CCR3: variants seen among roughly 807,000 people sequenced by gnomAD.
CCR3 encodes the protein C-C motif chemokine receptor 3.
For missense variants in CCR3, 419 were observed against 437.5 expected (o/e 0.96, Z 0.38); for synonymous variants, 203 against 179.2 (o/e 1.13, Z -1.06).
chr3:46,248,581 G>T (rs1187437201), intron 1 of CCR3, among the ~76,000 whole-genome samples: 2 of 152,134 alleles, frequency 1.3e-5, no homozygotes, highest in Non-Finnish European at 2.9e-5. Flanking sequence ...AGCAGGGAGA[G>T]CACGTGTGTT....
intron 2 of CCR3, among the ~76,000 whole-genome samples, chr3:46,219,087 T>G (rs1457940135): frequency 6.6e-6 from 1 of 152,128 alleles, no homozygotes; most frequent in Non-Finnish European, 1.5e-5. Flanking sequence ...CTCTAAAGAC[T>G]CATCCAAAAA....
intron 2 of CCR3, among the ~76,000 whole-genome samples, chr3:46,235,202 C>G (rs1700010729): frequency 6.6e-6 from 1 of 152,134 alleles, no homozygotes. Flanking sequence ...CCCACCTACC[C>G]CCATATCTTA....
At chr3:46,240,342 G>A (rs780887205), upstream of CCR3, among the ~76,000 whole-genome samples, 2 of 152,284 alleles carry the variant, frequency 1.3e-5, no homozygotes, top group Non-Finnish European at 2.9e-5. Flanking sequence ...CTGGCATTAG[G>A]ATGCAAGCAT....
chr3:46,241,162 G>A (rs1324036887), upstream of CCR3, among the ~76,000 whole-genome samples: 1 of 66,528 alleles, frequency 1.5e-5, no homozygotes, highest in Non-Finnish European at 2.8e-5. Flanking sequence ...GCACATGTGT[G>A]TGCGCTCTCT....
intron 1 of CCR3, among the ~76,000 whole-genome samples, chr3:46,250,289 G>A (rs1700279855): frequency 6.6e-6 from 1 of 152,264 alleles, no homozygotes; most frequent in East Asian, 1.9e-4. Flanking sequence ...AGATTACAGG[G>A]TGGAGGAGTG....
chr3:46,231,241 A>T (rs1259926062), intron 2 of CCR3, among the ~76,000 whole-genome samples: 1 of 152,194 alleles, frequency 6.6e-6, no homozygotes, highest in Non-Finnish European at 1.5e-5. Context: ...GACAAGTTTT[A>T]AAAGTGCCCA....
intron 1 of CCR3, among the ~76,000 whole-genome samples, chr3:46,251,989 T>A (rs982599099): frequency 6.6e-6 from 1 of 152,150 alleles, no homozygotes; most frequent in Non-Finnish European, 1.5e-5. Flanking sequence ...GATTCTTCAG[T>A]TACTTCAGGA....
rs1297605503 is a variant in CCR3, at chr3:46,250,402, G to T, written c.-12+7864G>T. 2.4e-4 allele frequency among the ~76,000 whole-genome samples: 36 copies of T among 152,064 alleles called. 1 individual carries two copies. The highest frequency in any genetic ancestry group is 2.4e-3 in the Admixed American group (36 of 15,272). On this transcript the variant is annotated intron_variant, in intron 1 of 1. Coordinates refer to ENST00000395940, the MANE Select transcript of CCR3 (RefSeq NM_178329.3). ...TTAGAAAGACTCAGCGATGCTTGGG[G>T]TTGGGACTGAGGGGACAGGCGGGAG...
At chr3:46,254,099 A>T (rs1700369664) in intron 1 of CCR3, among the ~76,000 whole-genome samples, 1 of 152,194 alleles carries the variant, frequency 6.6e-6, no homozygotes, top group Admixed American at 6.5e-5. Context: ...TTATGTATAT[A>T]AATTCAGCCA....
chr3:46,258,732 G>A (rs1700472640), intron 1 of CCR3, among the ~76,000 whole-genome samples: 1 of 152,142 alleles, frequency 6.6e-6, no homozygotes, highest in African/African-American at 2.4e-5. Flanking sequence ...CAACTGTTGA[G>A]TTAGTGGCTG....
At chr3:46,246,891 A>T (rs1700203395) in intron 1 of CCR3, among the ~76,000 whole-genome samples, 1 of 152,032 alleles carries the variant, frequency 6.6e-6, no homozygotes, top group Admixed American at 6.6e-5. Flanking sequence ...GGAGAGATTA[A>T]GCTGAAGGGA....
At chr3:46,226,912 C>T (rs1006384089) in intron 2 of CCR3, among the ~76,000 whole-genome samples, 11 of 151,834 alleles carry the variant, frequency 7.2e-5, no homozygotes, top group African/African-American at 2.2e-4. Context: ...TGCTCTTTTG[C>T]CCAGGCTGGA....
At chr3:46,228,750 G>A (rs75551904) in intron 2 of CCR3, among the ~76,000 whole-genome samples, 2,127 of 152,294 alleles carry the variant, frequency 0.014, 51 homozygotes, top group African/African-American at 0.048. Context: ...ATAATCTTGC[G>A]TTGCCTTAAT....
chr3:46,247,344 T>TG (rs1419444022), intron 1 of CCR3, among the ~76,000 whole-genome samples: 1 of 152,138 alleles, frequency 6.6e-6, no homozygotes, highest in Non-Finnish European at 1.5e-5. Flanking sequence ...GGAATGAGAC[T>TG]GGGGGCCTAA....
At chr3:46,247,083 T>G (rs968765938) in intron 1 of CCR3, among the ~76,000 whole-genome samples, 1 of 151,760 alleles carries the variant, frequency 6.6e-6, no homozygotes, top group Non-Finnish European at 1.5e-5. Context: ...GATTAGAGAG[T>G]GCCTAAGGAG....
chr3:46,243,075 CT>C (rs1006783945), intron 1 of CCR3, among the ~76,000 whole-genome samples: 1 of 149,510 alleles, frequency 6.7e-6, no homozygotes, highest in Non-Finnish European at 1.5e-5. Flanking sequence ...TTCCAGGACC[CT>C]TGCAGATACC....
At chr3:46,234,078 C>T (rs914272622) in intron 2 of CCR3, among the ~76,000 whole-genome samples, 3 of 152,218 alleles carry the variant, frequency 2.0e-5, no homozygotes, top group Admixed American at 1.3e-4. Context: ...TGCATCAGGC[C>T]GGCACTGCTC....
chr3:46,248,874 G>C (rs1019656206), intron 1 of CCR3, among the ~76,000 whole-genome samples: 29 of 152,184 alleles, frequency 1.9e-4, no homozygotes, highest in African/African-American at 7.0e-4. Context: ...GGGGTGGATA[G>C]GCAAAACAAT....
rs540835356 is a variant in CCR3 at position 46,231,909 on chromosome 3, G to A, written c.-67-10493G>A. Among the ~76,000 whole-genome samples, 4 of 152,228 alleles carry A rather than the reference G, an allele frequency of 2.6e-5. No individual in the cohort carries two copies. In the South Asian group the frequency reaches 8.3e-4, roughly 32 times the overall value. On this transcript the variant is annotated intron_variant, in intron 2 of 3. Coordinates refer to the CCR3 transcript ENST00000357422. ...CCCCAATGTCTCTCTTGCATTTCCA[G>A]GGGCCCATGTGACAGTGTGAGGTAC... is the stretch of plus-strand genomic sequence containing the variant.
Sources: gnomAD v4.1 joint callset for allele counts (sites outside exome capture counted in the v4.1 genomes callset) on GRCh38, gnomAD v4.1.1 for gene constraint, MANE v1.5 for transcripts, NCBI Gene and HGNC (gene_info 2026-07-23, HGNC 2026-07-21) for gene names.